The following ARRB2 variants were observed in gnomAD, a reference collection of about 807,000 sequenced individuals.
The protein encoded by ARRB2 is beta-arrestin-2.
ARRB2 carries 21 observed loss-of-function variants against 53.4 expected under a neutral mutation model. The observed-to-expected ratio is 0.39, with a 90% CI of 0.28 to 0.57. The LOEUF is 0.57. Ranked by LOEUF, ARRB2 falls within the 20% of genes least tolerant of loss-of-function variation. The probability of loss-of-function intolerance (pLI) is 0.55; values close to 1 mark genes in which losing one functional copy is unlikely to be tolerated. For synonymous variants in ARRB2, 180 were observed against 212.9 expected (o/e 0.85, Z 1.34); for missense variants, 369 against 527.5 (o/e 0.70, Z 2.94).
At chr17:4,719,893 C>T (rs907109044) in intron 11 of ARRB2, among the ~76,000 whole-genome samples, 4 of 152,176 alleles carry the variant, frequency 2.6e-5, no homozygotes, top group African/African-American at 9.7e-5. Context: ...TGCACAGCCA[C>T]ACACAGCAGG....
intron 2 of ARRB2, 30 bp downstream of exon 2, chr17:4,715,073 C>T (rs1236377647): frequency 3.1e-6 from 5 of 1,600,124 alleles, no homozygotes; most frequent in Non-Finnish European, 4.3e-6. Context: ...ACCCTTTTGA[C>T]CCTCCCTGGG....
intron 2 of ARRB2, chr17:4,715,595 A>G (rs890984318): frequency 7.7e-5 from 27 of 349,872 alleles, no homozygotes; most frequent in African/African-American, 5.4e-4. Flanking sequence ...ACGGACACAC[A>G]CAAACACACC....
chr17:4,720,831 C>A, intron 14 of ARRB2, 115 bp from the exon 15 acceptor site: 1 of 1,149,988 alleles, frequency 8.7e-7, no homozygotes, highest in Non-Finnish European at 1.3e-6. Context: ...CCTCTGGTCC[C>A]ACTGCTGTTC....
chr17:4,715,202 CCT>C, intron 2 of ARRB2, 159 bp downstream of exon 2: 1 of 868,890 alleles, frequency 1.2e-6, no homozygotes, highest in Non-Finnish European at 1.7e-6. Flanking sequence ...TCCTGAAGCC[CCT>C]TGCCGCAGAG....
chr17:4,717,975 C>T lies in ARRB2; in HGVS notation c.573C>T (p.Phe191=), dbSNP rs768146300. The change falls in exon 8 of 15, where the codon TTC becomes TTT. Residue 191 remains phenylalanine, a synonymous_variant. Coordinates refer to ENST00000269260, the MANE Select transcript of ARRB2 (RefSeq NM_004313.4). This position sits in a 1 kb window ranked among gnomAD's most constrained non-coding sequence, Gnocchi z 6.0. ...CTTCAGCCGAAACCACACGCCACTTCCTCATGTCTGACCGGTCCCTGCACC... is the reference window on the plus strand; with the variant it reads ...CTTCAGCCGAAACCACACGCCACTTTCTCATGTCTGACCGGTCCCTGCACC... The part of the protein sequence containing the change: ...PQPSAETTRH[F]LMSDRSLHLE... 2.5e-6 allele frequency: 4 copies of T among 1,613,790 alleles called. No homozygotes were observed. The highest frequency in any genetic ancestry group is 1.7e-6 in the Non-Finnish European group (2 of 1,180,044).
chr17:4,714,803 G>A (rs1216689231), intron 1 of ARRB2: 6 of 372,836 alleles, frequency 1.6e-5, no homozygotes, highest in Non-Finnish European at 1.9e-5. Flanking sequence ...AGGACCTTCC[G>A]GGAAGAAGGG....
chr17:4,711,328 AG>A (rs1229317625), intron 1 of ARRB2, among the ~76,000 whole-genome samples: 2 of 151,536 alleles, frequency 1.3e-5, no homozygotes, highest in African/African-American at 4.9e-5. Flanking sequence ...GGGGTGGGGG[AG>A]GCAGTATTCA....
chr17:4,712,309 C>T (rs980973444), intron 1 of ARRB2, among the ~76,000 whole-genome samples: 26 of 152,242 alleles, frequency 1.7e-4, no homozygotes, highest in African/African-American at 6.0e-4. Context: ...ATACCCTTTG[C>T]CTTACAACCT....
intron 9 of ARRB2, 23 bp downstream of exon 9, chr17:4,718,368 G>A (rs1232486037): frequency 6.3e-7 from 1 of 1,596,562 alleles, no homozygotes; most frequent in Non-Finnish European, 8.6e-7. Context: ...GTTTGGAAGG[G>A]GGTCTTCGGG....
chr17:4,715,708 C>T (rs1161006736), intron 2 of ARRB2: 5 of 451,728 alleles, frequency 1.1e-5, no homozygotes, highest in African/African-American at 1.1e-4. Flanking sequence ...CACACACACA[C>T]ACACACACAC....
intron 5 of ARRB2, chr17:4,716,835 C>G: frequency 1.3e-6 from 1 of 788,730 alleles, no homozygotes; most frequent in South Asian, 1.9e-5. Flanking sequence ...TTTCTCCAGC[C>G]TCTTTTTTGT....
intron 11 of ARRB2, 55 bp from the exon 12 acceptor site, chr17:4,720,161 G>A (rs35383686): frequency 0.2 from 316,207 of 1,549,334 alleles, 36,009 homozygotes; most frequent in Non-Finnish European, 0.24. Context: ...ACCCCACGGT[G>A]GGCCAGGTGA....
chr17:4,718,375 CG>C, intron 9 of ARRB2, 30 bp downstream of exon 9: 1 of 1,586,860 alleles, frequency 6.3e-7, no homozygotes, highest in Non-Finnish European at 8.6e-7. Context: ...AGGGGGTCTT[CG>C]GGGAGGGCGT....
Position 4,710,644 on chromosome 17 carries a change from G to C in ARRB2, c.-78G>C. On this transcript the variant is annotated 5_prime_UTR_variant, in exon 1 of 15. Coordinates refer to ENST00000269260, the MANE Select transcript of ARRB2 (RefSeq NM_004313.4). Reference sequence around the variant, plus strand: ...AGGGCGCGCGTGCGCATTGGCGCGGGGAGGAGCAGGGATCTTGGCAGCGGG... The same window carrying C: ...AGGGCGCGCGTGCGCATTGGCGCGGCGAGGAGCAGGGATCTTGGCAGCGGG... 2.5e-6 allele frequency: 1 copy of C among 397,970 alleles called. No homozygotes were observed. 24.7% of individuals were successfully genotyped at this position (397,970 alleles called of 1,614,324 possible).
Position 4,720,265 on chromosome 17 carries a change from AG to A in ARRB2, c.970del (p.Val324SerfsTer3), listed in dbSNP as rs1031884660. ...KEVLGILVSY[R>X]VKVKLVVSRG... ...GGTGCTGGGAATCCTGGTGTCCTACAGGGTCAAGGTGAAGCTGGTGGTGTCT... is the reference window on the plus strand; with the variant it reads ...GGTGCTGGGAATCCTGGTGTCCTACAGGTCAAGGTGAAGCTGGTGGTGTCT... On this transcript the variant is annotated frameshift_variant, in exon 12 of 15. Transcript: ENST00000269260. LOFTEE classifies it high-confidence loss of function. 6.2e-7 allele frequency: 1 copy of A among 1,613,920 alleles called. No homozygotes were observed. The highest frequency in any genetic ancestry group is 8.5e-7 in the Non-Finnish European group (1 of 1,179,954).
Position 4,719,324 on chromosome 17 carries a change from C to T in ARRB2, c.821C>T (p.Thr274Ile). 1 of 1,614,148 alleles carries T rather than the reference C, an allele frequency of 6.2e-7. No homozygotes were observed. Residue 274 changes from threonine to isoleucine, a missense_variant, in exon 11 of 15, where the codon ACC (threonine) becomes ATC (isoleucine). Physicochemically the swap from Thr to Ile is moderately conservative, Grantham distance 89 (BLOSUM62 -1). Coordinates refer to ENST00000269260, the MANE Select transcript of ARRB2 (RefSeq NM_004313.4). ...SPSSTFCKVY[T>I]ITPLLSDNRE... ...AGCTCCACATTCTGTAAGGTGTACA[C>T]CATAACCCCACTGCTCAGCGACAAC...
intron 2 of ARRB2, chr17:4,715,687 G>T: frequency 4.1e-6 from 1 of 243,912 alleles, no homozygotes. Flanking sequence ...CTGACTGGTT[G>T]GCTGAGGACA....
In ARRB2 at chr17:4,721,061, A is replaced by C; in HGVS notation, c.*22A>C. On this transcript the variant is annotated 3_prime_UTR_variant, in exon 15 of 15. Coordinates refer to ENST00000269260, the MANE Select transcript of ARRB2 (RefSeq NM_004313.4). This position sits in a 1 kb window ranked among gnomAD's most constrained non-coding sequence, Gnocchi z 4.2. Reference sequence around the variant, plus strand: ...CTAGGAAGCGGGGTGGGAAGAAGGGAGGGGATGGGGTTGGGAGAGGTGAGG... The same window carrying C: ...CTAGGAAGCGGGGTGGGAAGAAGGGCGGGGATGGGGTTGGGAGAGGTGAGG... 8.1e-7 allele frequency: 1 copy of C among 1,241,098 alleles called. No homozygotes were observed. The highest frequency in any genetic ancestry group is 2.4e-5 in the East Asian group (1 of 42,204). The allele number at this position is 1,241,098 out of a possible 1,614,324, so 76.9% of individuals were successfully genotyped here.
intron 5 of ARRB2, 72 bp downstream of exon 5, chr17:4,716,680 C>T: frequency 6.6e-7 from 1 of 1,515,874 alleles, no homozygotes; most frequent in Non-Finnish European, 8.8e-7. Flanking sequence ...GGGTAAGGCA[C>T]TGCTGTGGGC....
Sources: allele counts gnomAD v4.1 joint callset (sites outside exome capture counted in the v4.1 genomes callset), GRCh38; gene constraint gnomAD v4.1.1; non-coding constraint Gnocchi (gnomAD v3.1); transcripts MANE v1.5; gene names NCBI Gene and HGNC (gene_info 2026-07-23, HGNC 2026-07-21).